Variants in CSGALNACT1 observed in about 807,000 individuals in gnomAD.
CSGALNACT1 encodes chondroitin sulfate N-acetylgalactosaminyltransferase 1.
A neutral mutation model predicts 51.0 loss-of-function variants in CSGALNACT1; 52 were observed. That is an observed-to-expected ratio of 1.02 (90% CI 0.82 to 1.29). The LOEUF (loss-of-function observed/expected upper bound fraction) is 1.29, where lower values mean the gene tolerates loss of function less well. Among genes scored for constraint, CSGALNACT1 ranks in the 50% most tolerant of loss-of-function variants. CSGALNACT1 has a pLI of 0.00. For missense variants in CSGALNACT1, 935 were observed against 679.2 expected, an observed-to-expected ratio of 1.38 and a Z score of -4.19; for synonymous variants, 341 against 254.4, an observed-to-expected ratio of 1.34 and a Z score of -3.24.
intron 1 of CSGALNACT1, among the ~76,000 whole-genome samples, chr8:19,656,322 C>A (rs1329106974): frequency 6.6e-6 from 1 of 151,988 alleles, no homozygotes; most frequent in Non-Finnish European, 1.5e-5. Context: ...AAAACCTAGC[C>A]CTCATATAGG....
intron 4 of CSGALNACT1, among the ~76,000 whole-genome samples, chr8:19,482,578 G>A (rs1191608525): frequency 1.3e-5 from 2 of 152,110 alleles, no homozygotes; most frequent in Non-Finnish European, 2.9e-5. Context: ...CTCTCCTTGT[G>A]TTTTGAGTTA....
chr8:19,743,422 AT>A (rs1200843300), intron 1 of CSGALNACT1, among the ~76,000 whole-genome samples: 1 of 152,218 alleles, frequency 6.6e-6, no homozygotes, highest in African/African-American at 2.4e-5. Flanking sequence ...ATTCATTATG[AT>A]GATCATCTCA....
intron 1 of CSGALNACT1, among the ~76,000 whole-genome samples, chr8:19,676,086 A>AAAAAC (rs1358252670): frequency 7.2e-6 from 1 of 139,712 alleles, no homozygotes; most frequent in Non-Finnish European, 1.6e-5. Context: ...GTCTGATTTA[A>AAAAAC]AAAACAAAAC....
chr8:19,548,450 C>G (rs1187370122), intron 3 of CSGALNACT1, among the ~76,000 whole-genome samples: 1 of 151,910 alleles, frequency 6.6e-6, no homozygotes, highest in East Asian at 1.9e-4. Context: ...CTGTTTTTCT[C>G]AAGTATTATT....
intron 6 of CSGALNACT1, among the ~76,000 whole-genome samples, chr8:19,427,324 T>G (rs2058921363): frequency 6.6e-6 from 1 of 152,278 alleles, no homozygotes; most frequent in African/African-American, 2.4e-5. Context: ...ATCCTCAGAT[T>G]GTCTTTTCTT....
intron 6 of CSGALNACT1, among the ~76,000 whole-genome samples, chr8:19,431,259 C>A (rs571602440): frequency 2.6e-5 from 4 of 152,074 alleles, no homozygotes; most frequent in African/African-American, 7.2e-5. Context: ...ATGGGGAGAA[C>A]ATTCAGTATT....
chr8:19,530,636 C>A (rs1002455865), intron 3 of CSGALNACT1, among the ~76,000 whole-genome samples: 1 of 152,220 alleles, frequency 6.6e-6, no homozygotes, highest in Admixed American at 6.5e-5. Context: ...GTGGCTGAGG[C>A]TGGAGGATCG....
At chr8:19,627,184 T>C (rs1408832984) in intron 1 of CSGALNACT1, among the ~76,000 whole-genome samples, 3 of 152,260 alleles carry the variant, frequency 2.0e-5, no homozygotes, top group East Asian at 1.9e-4. Flanking sequence ...CTACCATCCA[T>C]CCATTTAATG....
rs181163485 is a variant in CSGALNACT1 at position 19,405,661 on chromosome 8, T to G, written c.*119A>C. ...GAGAGAAATCGGAGGCTTTCTCATC[T>G]CTGACCCATCAGTCCAATTCTTTTG... On this transcript the variant is annotated 3_prime_UTR_variant, in exon 10 of 10. Transcript: ENST00000454498. 9.2e-6 allele frequency: 12 copies of G among 1,301,146 alleles called. No homozygotes were observed. The East Asian group carries it at 2.8e-4, about 31-fold the overall frequency. The allele number at this position is 1,301,146 out of a possible 1,614,324, so 80.6% of individuals were successfully genotyped here.
chr8:19,732,728 T>G (rs992165514), intron 1 of CSGALNACT1, among the ~76,000 whole-genome samples: 2 of 152,270 alleles, frequency 1.3e-5, no homozygotes, highest in Non-Finnish European at 2.9e-5. Context: ...TGGATCTTTA[T>G]AAATTACGTC....
intron 3 of CSGALNACT1, among the ~76,000 whole-genome samples, chr8:19,506,954 C>G (rs964061375): frequency 2.0e-5 from 3 of 152,154 alleles, no homozygotes; most frequent in Non-Finnish European, 4.4e-5. Context: ...TGCCAGCAGG[C>G]GTGGATGCAG....
At chr8:19,465,216 C>A (rs1338706142) in intron 4 of CSGALNACT1, among the ~76,000 whole-genome samples, 52 of 152,188 alleles carry the variant, frequency 3.4e-4, no homozygotes, top group Admixed American at 3.4e-3. Flanking sequence ...ATCGTGCAGA[C>A]ATTATGCTAA....
At position 19,648,442 on chromosome 8, in the gene CSGALNACT1, A is replaced by G. The variant is rs149518237; in HGVS notation, c.-544+34031T>C. Reference sequence around the variant, plus strand: ...GACCATTTCTACATTCAATTTCTAGAAAGTTCCTTTACAGATACATCTCCA... The same window carrying G: ...GACCATTTCTACATTCAATTTCTAGGAAGTTCCTTTACAGATACATCTCCA... On this transcript the variant is annotated intron_variant, in intron 1 of 9. Coordinates refer to the CSGALNACT1 transcript ENST00000332246. Among the ~76,000 whole-genome samples, 282 of 152,318 alleles carry G rather than the reference A, an allele frequency of 1.9e-3. 1 individual carries two copies. Among genetic ancestry groups the G allele is most frequent in the African/African-American group, 6.5e-3 (269 of 41,570 alleles).
At position 19,503,942 on chromosome 8, in the gene CSGALNACT1, G is replaced by C. The variant is rs1026837072; in HGVS notation, c.634+1259C>G. On this transcript the variant is annotated intron_variant, in intron 4 of 9. Coordinates refer to ENST00000454498, the Ensembl canonical transcript of CSGALNACT1. Reference sequence around the variant, plus strand: ...AAGAAGAAAGTGTCCAAAGAACACAGGCATGAACAGCAGCAGGAGGCTTTT... The same window carrying C: ...AAGAAGAAAGTGTCCAAAGAACACACGCATGAACAGCAGCAGGAGGCTTTT... 7.0e-4 allele frequency among the ~76,000 whole-genome samples: 106 copies of C among 152,154 alleles called. 1 individual carries two copies. The highest frequency in any genetic ancestry group is 2.6e-4 in the Non-Finnish European group (18 of 68,022).
In CSGALNACT1 at chr8:19,631,142, T is replaced by A. The variant is rs182898953; in HGVS notation, c.-543-29277A>T. ...GGTTACTTCCAAATTTTGGCAATTATGAATAAAGTTGCTATAAGCATTTCA... is the reference window on the plus strand; with the variant it reads ...GGTTACTTCCAAATTTTGGCAATTAAGAATAAAGTTGCTATAAGCATTTCA... On this transcript the variant is annotated intron_variant, in intron 1 of 9. Transcript: ENST00000332246. 7.9e-5 allele frequency among the ~76,000 whole-genome samples: 12 copies of A among 152,356 alleles called. No homozygotes were observed. The East Asian group carries it at 2.3e-3, about 29-fold the overall frequency.
chr8:19,666,312 T>TCAAA (rs2154193768), intron 1 of CSGALNACT1, among the ~76,000 whole-genome samples: 1 of 152,258 alleles, frequency 6.6e-6, no homozygotes, highest in East Asian at 1.9e-4. Flanking sequence ...CCAGACAAAA[T>TCAAA]CAAACAACTT....
At chr8:19,456,668 G>A (rs1350919930) in intron 5 of CSGALNACT1, among the ~76,000 whole-genome samples, 1 of 152,180 alleles carries the variant, frequency 6.6e-6, no homozygotes, top group Non-Finnish European at 1.5e-5. Flanking sequence ...CAGGACTGGA[G>A]CCAGAGGAAC....
At chr8:19,458,314 G>A (rs1242735802) in intron 5 of CSGALNACT1, 112 bp downstream of exon 4, 28 of 941,076 alleles carry the variant, frequency 3.0e-5, no homozygotes, top group Non-Finnish European at 4.4e-5. Context: ...AGCTGAATAA[G>A]AGAAAGGAGG....
At chr8:19,513,436 C>CTATATATATATATATATATATATATA (rs1554650175) in intron 3 of CSGALNACT1, among the ~76,000 whole-genome samples, 12 of 81,968 alleles carry the variant, frequency 1.5e-4, no homozygotes, top group Non-Finnish European at 1.8e-4. Flanking sequence ...CTCTCTCTCT[C>CTATATATATATATATATATATATATA]TATATATATA....
Sources: gnomAD v4.1 joint callset for allele counts (sites outside exome capture counted in the v4.1 genomes callset) on GRCh38, gnomAD v4.1.1 for gene constraint, MANE v1.5 for transcripts, NCBI Gene and HGNC (gene_info 2026-07-23, HGNC 2026-07-21) for gene names.